MACROD1: variants seen among roughly 807,000 people sequenced by gnomAD.
The protein encoded by MACROD1 is mono-ADP ribosylhydrolase 1.
Under a neutral mutation model 41.4 loss-of-function variants are expected in MACROD1, and 31 were observed. The observed-to-expected ratio is 0.75, with a 90% CI of 0.56 to 1.01. The LOEUF (loss-of-function observed/expected upper bound fraction) is 1.01. Among genes scored for constraint, MACROD1 ranks in the 50% least tolerant of loss-of-function variants. The probability of loss-of-function intolerance (pLI) is 0.00; values close to 1 mark genes in which losing one functional copy is unlikely to be tolerated. For synonymous variants in MACROD1, 252 were observed against 203.4 expected (o/e 1.24, Z -2.03); for missense variants, 473 against 460.0 (o/e 1.03, Z -0.26).
At position 64,120,234 on chromosome 11, in the gene MACROD1, C is replaced by T. The variant is rs952825786; in HGVS notation, c.517+31005G>A. Among the ~76,000 whole-genome samples the T allele has an allele frequency of 2.6e-5, 4 of 152,168 alleles. No individual in the cohort carries two copies. The highest frequency in any genetic ancestry group is 2.1e-4 in the South Asian group (1 of 4,822). On this transcript the variant is annotated intron_variant, in intron 3 of 10. Coordinates refer to ENST00000255681, the MANE Select transcript of MACROD1 (RefSeq NM_014067.4). The surrounding 1 kb of genome is among the most constrained non-coding windows in gnomAD (Gnocchi z 4.5). ...AGCACGGCCTGGGGGGGCTAGCCCA[C>T]GAAATAGGTCCACTCCCCAGCCCTG...
intron 3 of MACROD1, among the ~76,000 whole-genome samples, chr11:64,147,842 A>C (rs1053757701): frequency 5.9e-5 from 9 of 151,790 alleles, no homozygotes; most frequent in Non-Finnish European, 1.2e-4. Flanking sequence ...TCCCAGGTTC[A>C]AGCAATCCTC....
At chr11:64,110,758 C>G (rs1944847938) in intron 3 of MACROD1, among the ~76,000 whole-genome samples, 1 of 152,286 alleles carries the variant, frequency 6.6e-6, no homozygotes, top group South Asian at 2.1e-4. Flanking sequence ...GACAAGCGAT[C>G]CCATAAAAGA....
intron 3 of MACROD1, among the ~76,000 whole-genome samples, chr11:64,018,224 G>A (rs1030536043): frequency 6.6e-6 from 1 of 152,136 alleles, no homozygotes; most frequent in African/African-American, 2.4e-5. Flanking sequence ...CACAGTGGGT[G>A]CCCCGGGAGG....
At chr11:64,000,700 C>T (rs1366779591) in intron 4 of MACROD1, among the ~76,000 whole-genome samples, 1 of 38,742 alleles carries the variant, frequency 2.6e-5, no homozygotes, top group African/African-American at 1.5e-4. Context: ...GCCGGGGTGA[C>T]GGGGAAGCTT....
intron 3 of MACROD1, among the ~76,000 whole-genome samples, chr11:64,051,394 G>A (rs1055689692): frequency 2.6e-5 from 4 of 152,178 alleles, no homozygotes; most frequent in South Asian, 2.1e-4. Flanking sequence ...GGACTCTGGC[G>A]GCTTGGCCTG....
At position 64,000,309 on chromosome 11, in the gene MACROD1, C is replaced by G; in HGVS notation, c.582G>C (p.Leu194=). The part of the protein sequence containing the change: ...DGCIHRAAGP[L]LTDECRTLQS... ...GCAGGGTCCGGCACTCGTCGGTAAGCAGGGGGCCGGCGGCCCGATGAATGC... is the reference window on the plus strand; with the variant it reads ...GCAGGGTCCGGCACTCGTCGGTAAGGAGGGGGCCGGCGGCCCGATGAATGC... Residue 194 remains leucine, a synonymous_variant, in exon 5 of 11, where the codon CTG becomes CTC. Coordinates refer to ENST00000255681, the MANE Select transcript of MACROD1 (RefSeq NM_014067.4). The G allele has an allele frequency of 1.3e-6, 2 of 1,593,874 alleles. No homozygotes were observed. Among genetic ancestry groups the G allele is most frequent in the Middle Eastern group, 3.6e-4 (2 of 5,614 alleles).
intron 3 of MACROD1, among the ~76,000 whole-genome samples, chr11:64,144,805 A>G (rs1335242018): frequency 6.6e-6 from 1 of 152,256 alleles, no homozygotes; most frequent in Non-Finnish European, 1.5e-5. Flanking sequence ...AAGCCTCAGC[A>G]AACACATTAA....
chr11:64,151,120 C>A, intron 3 of MACROD1, 119 bp downstream of exon 3: 1 of 822,488 alleles, frequency 1.2e-6, no homozygotes, highest in Middle Eastern at 3.1e-4. Flanking sequence ...AGCAGGCTGT[C>A]CTTGCCAGCA....
At chr11:64,078,675 C>T (rs1288790845) in intron 3 of MACROD1, among the ~76,000 whole-genome samples, 2 of 152,120 alleles carry the variant, frequency 1.3e-5, no homozygotes, top group South Asian at 2.1e-4. Flanking sequence ...TGCTCTTCAC[C>T]GAGCTTTGAG....
intron 3 of MACROD1, among the ~76,000 whole-genome samples, chr11:64,139,753 A>G (rs1262887380): frequency 6.6e-6 from 1 of 151,952 alleles, no homozygotes; most frequent in Non-Finnish European, 1.5e-5. Context: ...TCAGGAGATC[A>G]AGACCATCCT....
rs531142289 is a variant in MACROD1 at position 64,134,060 on chromosome 11, T to C, written c.517+17179A>G. 2.9e-3 allele frequency among the ~76,000 whole-genome samples: 436 copies of C among 152,102 alleles called. 4 individuals carry two copies. The highest frequency in any genetic ancestry group is 0.026 in the South Asian group (126 of 4,820). ...CCAAAGTCACCCAACCCGGCTAGAA[T>C]GGATAGGGTAGGAGAGGGAATGAAT... On this transcript the variant is annotated intron_variant, in intron 3 of 10. Coordinates refer to ENST00000255681, the MANE Select transcript of MACROD1 (RefSeq NM_014067.4).
chr11:64,002,861 C>T (rs554443347), intron 4 of MACROD1, among the ~76,000 whole-genome samples: 84 of 152,298 alleles, frequency 5.5e-4, no homozygotes, highest in African/African-American at 1.9e-3. Context: ...CCCACCCCAC[C>T]CCAAGGCAGC....
intron 3 of MACROD1, among the ~76,000 whole-genome samples, chr11:64,072,448 T>A (rs1294181491): frequency 1.3e-5 from 2 of 151,948 alleles, no homozygotes; most frequent in African/African-American, 4.8e-5. Context: ...AATAATTACA[T>A]AACATTGGAT....
intron 10 of MACROD1, 25 bp downstream of exon 10, chr11:63,998,813 C>T (rs1307734143): frequency 2.7e-6 from 4 of 1,508,196 alleles, no homozygotes; most frequent in Non-Finnish European, 2.6e-6. Flanking sequence ...GCCGGGGCCG[C>T]CGCACGGGGC....
chr11:64,065,244 C>T (rs1023002460), intron 3 of MACROD1, among the ~76,000 whole-genome samples: 13 of 152,092 alleles, frequency 8.5e-5, no homozygotes, highest in Admixed American at 4.6e-4. Context: ...GAGTGTTGAG[C>T]GATCGGAGCA....
In MACROD1 at chr11:64,000,309, C is replaced by T; in HGVS notation, c.582G>A (p.Leu194=). The T allele has an allele frequency of 6.9e-6, 11 of 1,593,874 alleles. No homozygotes were observed. Among genetic ancestry groups the T allele is most frequent in the Non-Finnish European group, 9.4e-6 (11 of 1,171,154 alleles). The change falls in exon 5 of 11, where the codon CTG becomes CTA. Residue 194 remains leucine (L), a synonymous_variant. Transcript: ENST00000255681. ...GCAGGGTCCGGCACTCGTCGGTAAG[C>T]AGGGGGCCGGCGGCCCGATGAATGC... ...DGCIHRAAGP[L]LTDECRTLQS...
intron 3 of MACROD1, among the ~76,000 whole-genome samples, chr11:64,145,576 G>A (rs1214668476): frequency 3.9e-5 from 6 of 152,164 alleles, no homozygotes; most frequent in Admixed American, 6.5e-5. Context: ...GTGGCCAGCA[G>A]GGGTGCTGGG....
chr11:64,110,405 G>A (rs1055114891), intron 3 of MACROD1, among the ~76,000 whole-genome samples: 2 of 151,576 alleles, frequency 1.3e-5, no homozygotes, highest in African/African-American at 2.4e-5. Flanking sequence ...AGCCGTGATC[G>A]GGCCACTGCA....
chr11:64,018,296 C>G (rs926875613), intron 3 of MACROD1, among the ~76,000 whole-genome samples: 1 of 152,174 alleles, frequency 6.6e-6, no homozygotes, highest in Non-Finnish European at 1.5e-5. Flanking sequence ...TGGGGGGGCT[C>G]TGGGGGTCAG....
Sources: allele counts gnomAD v4.1 joint callset (sites outside exome capture counted in the v4.1 genomes callset), GRCh38; gene constraint gnomAD v4.1.1; non-coding constraint Gnocchi (gnomAD v3.1); transcripts MANE v1.5; gene names NCBI Gene and HGNC (gene_info 2026-07-23, HGNC 2026-07-21).